CLIP1: variants seen among roughly 807,000 people sequenced by gnomAD.
CLIP1 encodes CAP-Gly domain containing linker protein 1, also known as CAP-Gly domain-containing linker protein 1.
CLIP1 carries 66 observed loss-of-function variants against 161.6 expected under a neutral mutation model. The ratio of observed to expected loss-of-function variants is 0.41; its 90% CI spans 0.33 to 0.50. The LOEUF is 0.50. Ranked by LOEUF, CLIP1 falls within the 20% of genes least tolerant of loss-of-function variation. The probability of loss-of-function intolerance (pLI) is 0.27; values close to 1 mark genes in which losing one functional copy is unlikely to be tolerated. For synonymous variants in CLIP1, 598 were observed against 626.2 expected (o/e 0.96, Z 0.67); for missense variants, 1,376 against 1,702.0 (o/e 0.81, Z 3.37).
Position 122,328,372 on chromosome 12 carries a change from A to C in CLIP1, c.2922T>G (p.Phe974Leu), listed in dbSNP as rs199619793. The C allele has an allele frequency of 6.2e-7, 1 of 1,612,434 alleles. No homozygotes were observed. Among genetic ancestry groups the C allele is most frequent in the South Asian group, 1.1e-5 (1 of 90,450 alleles). Residue 974 changes from phenylalanine to leucine, a missense_variant, in exon 16 of 26, where the codon TTT becomes TTG. Transcript: ENST00000620786. Reference protein sequence around the residue: ...KLTKANENASFLQKSIEDMTV... With the variant: ...KLTKANENASLLQKSIEDMTV... ...TCATGTCCTCAATACTTTTTTGCAGAAAACTTGCATTTTCATTAGCCTTTG... is the reference window on the plus strand; with the variant it reads ...TCATGTCCTCAATACTTTTTTGCAGCAAACTTGCATTTTCATTAGCCTTTG...
chr12:122,333,822 A>C (rs781574958), intron 14 of CLIP1, among the ~76,000 whole-genome samples: 4 of 152,206 alleles, frequency 2.6e-5, no homozygotes, highest in Non-Finnish European at 4.4e-5. Context: ...GATGTGGTAG[A>C]TTCTGGCTCT....
chr12:122,386,287 A>T (rs976275815), intron 1 of CLIP1, among the ~76,000 whole-genome samples: 24 of 152,290 alleles, frequency 1.6e-4, no homozygotes, highest in Admixed American at 3.3e-4. Flanking sequence ...CCATCTCAAA[A>T]AAAGAAAAGA....
At chr12:122,273,410 C>G (rs1244585854) in intron 25 of CLIP1, among the ~76,000 whole-genome samples, 1 of 151,482 alleles carries the variant, frequency 6.6e-6, no homozygotes, top group Admixed American at 6.6e-5. Context: ...CCACCCCACA[C>G]AGTTACTTTT....
intron 20 of CLIP1, among the ~76,000 whole-genome samples, chr12:122,300,821 C>G (rs1299356794): frequency 6.6e-6 from 1 of 151,796 alleles, no homozygotes; most frequent in African/African-American, 2.4e-5. Flanking sequence ...ACTTTTTTTC[C>G]TTTTTCTTTT....
intron 1 of CLIP1, among the ~76,000 whole-genome samples, chr12:122,393,083 GA>G (rs2136993021): frequency 6.6e-6 from 1 of 151,674 alleles, no homozygotes; most frequent in South Asian, 2.1e-4. Context: ...CACCCAGCCA[GA>G]AATGTTTTTA....
At chr12:122,342,384 T>C (rs1195347340) in intron 10 of CLIP1, 1 of 152,244 alleles carries the variant, frequency 6.6e-6, no homozygotes, top group African/African-American at 2.4e-5. Flanking sequence ...ATCCATTTCA[T>C]GGAGGTGATC....
chr12:122,316,516 C>T (rs1034805273), intron 19 of CLIP1, among the ~76,000 whole-genome samples: 4 of 152,094 alleles, frequency 2.6e-5, no homozygotes, highest in African/African-American at 9.7e-5. Context: ...CCCAAAGTCA[C>T]ATCTGAATCC....
At chr12:122,331,425 C>T (rs1482012438) in intron 15 of CLIP1, among the ~76,000 whole-genome samples, 1 of 152,060 alleles carries the variant, frequency 6.6e-6, no homozygotes, top group African/African-American at 2.4e-5. Flanking sequence ...AGCGATTCTC[C>T]TGCCTCAGCC....
chr12:122,414,288 C>T (rs1157473622), intron 1 of CLIP1, among the ~76,000 whole-genome samples: 2 of 151,796 alleles, frequency 1.3e-5, no homozygotes, highest in Non-Finnish European at 2.9e-5. Context: ...GGTGGGACTA[C>T]AGGCATGTAT....
chr12:122,378,727 G>A (rs1954863078), intron 2 of CLIP1, among the ~76,000 whole-genome samples: 1 of 152,114 alleles, frequency 6.6e-6, no homozygotes, highest in South Asian at 2.1e-4. Flanking sequence ...AGGCACAGTG[G>A]CTCACGCCTG....
chr12:122,387,566 A>ATTTTTT lies in CLIP1; in HGVS notation c.-106-7009_-106-7008insAAAAAA, dbSNP rs1955346753. Among the ~76,000 whole-genome samples the ATTTTTT allele has an allele frequency of 2.7e-5, 2 of 74,292 alleles. 1 individual carries two copies. The highest frequency in any genetic ancestry group is 3.2e-4 in the Admixed American group (2 of 6,250). 48.7% of individuals were successfully genotyped at this position (74,292 alleles called of 152,430 possible). A position where few individuals can be genotyped will look rare whatever the true frequency, so the allele number is the denominator to read the frequency against. Reference sequence around the variant, plus strand: ...CCTTTTCATATATATATATATATATATATATATATATATATATATATATAT... The same window carrying ATTTTTT: ...CCTTTTCATATATATATATATATATATTTTTTTATATATATATATATATATATATAT... On this transcript the variant is annotated intron_variant, in intron 1 of 25. Transcript: ENST00000620786.
intron 1 of CLIP1, among the ~76,000 whole-genome samples, chr12:122,396,314 G>A (rs533872614): frequency 5.3e-5 from 8 of 152,238 alleles, no homozygotes; most frequent in Admixed American, 2.6e-4. Flanking sequence ...GGACAGCTCC[G>A]GAATAGCCCT....
chr12:122,324,921 T>G (rs1450992304), intron 17 of CLIP1, among the ~76,000 whole-genome samples: 2 of 151,888 alleles, frequency 1.3e-5, no homozygotes, highest in Non-Finnish European at 2.9e-5. Context: ...CACATATAAC[T>G]TAAAAACTAC....
At chr12:122,402,275 T>C (rs2137090248) in intron 1 of CLIP1, among the ~76,000 whole-genome samples, 1 of 152,044 alleles carries the variant, frequency 6.6e-6, no homozygotes, top group Non-Finnish European at 1.5e-5. Flanking sequence ...ATCACTTGAG[T>C]TCAGGATTTC....
intron 14 of CLIP1, 67 bp from the exon 15 acceptor site, chr12:122,333,210 T>C: frequency 2.5e-6 from 3 of 1,185,012 alleles, no homozygotes; most frequent in Non-Finnish European, 2.4e-6. Context: ...CTGAGTGTAT[T>C]CTTGCTCTGG....
chr12:122,354,409 A>AG (rs774634402), intron 7 of CLIP1, 44 bp downstream of exon 7: 152 of 1,416,786 alleles, frequency 1.1e-4, no homozygotes, highest in Middle Eastern at 2.0e-4. Flanking sequence ...ACAAAAAAAA[A>AG]GGGGGAAAGG....
At chr12:122,330,896 C>T (rs765243474) in intron 15 of CLIP1, among the ~76,000 whole-genome samples, 9 of 151,848 alleles carry the variant, frequency 5.9e-5, no homozygotes, top group Non-Finnish European at 1.2e-4. Flanking sequence ...CCACCACGCC[C>T]GGCCTACAAT....
chr12:122,345,863 G>A (rs955628237), intron 10 of CLIP1, among the ~76,000 whole-genome samples: 4 of 151,132 alleles, frequency 2.6e-5, no homozygotes, highest in Non-Finnish European at 5.9e-5. Context: ...TCGGCTCACC[G>A]CAACCTCTGC....
intron 21 of CLIP1, among the ~76,000 whole-genome samples, chr12:122,282,579 G>A (rs1254946831): frequency 6.6e-6 from 1 of 151,988 alleles, no homozygotes; most frequent in African/African-American, 2.4e-5. Flanking sequence ...ACCATGAAGA[G>A]AAACGCAAAT....
Sources: allele counts gnomAD v4.1 joint callset (sites outside exome capture counted in the v4.1 genomes callset), GRCh38; gene constraint gnomAD v4.1.1; transcripts MANE v1.5; gene names NCBI Gene and HGNC (gene_info 2026-07-23, HGNC 2026-07-21).